Variants in RPS6KC1 observed in about 807,000 individuals in gnomAD.
RPS6KC1 encodes the protein inactive ribosomal protein S6 kinase delta-1.
A neutral mutation model predicts 103.8 loss-of-function variants in RPS6KC1; 54 were observed. The ratio of observed to expected loss-of-function variants is 0.52; its 90% confidence interval spans 0.42 to 0.65. The LOEUF is 0.65. Among genes scored for constraint, RPS6KC1 ranks in the 30% least tolerant of loss-of-function variants. The pLI is 0.00. For synonymous variants in RPS6KC1, 439 were observed against 438.7 expected, an observed-to-expected ratio of 1.00 and a Z score of -0.01; for missense variants, 1,151 against 1,253.8, an observed-to-expected ratio of 0.92 and a Z score of 1.24.
intron 6 of RPS6KC1, among the ~76,000 whole-genome samples, chr1:213,156,381 A>G (rs1232257164): frequency 6.6e-6 from 1 of 152,224 alleles, no homozygotes; most frequent in Non-Finnish European, 1.5e-5. Flanking sequence ...ATTTCTGTAT[A>G]TGGAACTGGG....
intron 3 of RPS6KC1, among the ~76,000 whole-genome samples, chr1:213,082,496 A>G (rs1040261093): frequency 1.3e-5 from 2 of 152,312 alleles, no homozygotes; most frequent in African/African-American, 2.4e-5. Context: ...TAAGACTGCA[A>G]GTGAGGTTTC....
chr1:213,254,002 T>C (rs879276138), intron 12 of RPS6KC1, among the ~76,000 whole-genome samples: 1 of 152,186 alleles, frequency 6.6e-6, no homozygotes, highest in Non-Finnish European at 1.5e-5. Context: ...TCTTTGGCAA[T>C]ATGGGCTACC....
chr1:213,521,763 C>T, the RPS6KC1 span, among the ~76,000 whole-genome samples: 2 of 152,174 alleles, frequency 1.3e-5, no homozygotes, highest in African/African-American at 4.8e-5. Flanking sequence ...AGAAGCAACT[C>T]CTCATTTATT....
the RPS6KC1 span, among the ~76,000 whole-genome samples, chr1:213,686,220 GC>G: frequency 6.6e-6 from 1 of 152,220 alleles, no homozygotes; most frequent in African/African-American, 2.4e-5. Flanking sequence ...CATTTCTATA[GC>G]CTTTTTGTAG....
At chr1:213,685,945 T>G in the RPS6KC1 span, among the ~76,000 whole-genome samples, 4 of 152,210 alleles carry the variant, frequency 2.6e-5, no homozygotes, top group African/African-American at 9.6e-5. Context: ...AGTGATTTTT[T>G]TTTGTGTGTG....
chr1:213,716,883 G>T, the RPS6KC1 span, among the ~76,000 whole-genome samples: 1 of 152,132 alleles, frequency 6.6e-6, no homozygotes, highest in Non-Finnish European at 1.5e-5. Context: ...GGGGAAGTTT[G>T]TTTATGTTTA....
chr1:213,120,003 T>C (rs1353907473), intron 5 of RPS6KC1, among the ~76,000 whole-genome samples: 2 of 152,186 alleles, frequency 1.3e-5, no homozygotes, highest in East Asian at 3.9e-4. Context: ...AGGGTGACCC[T>C]TCCTAAAGCA....
the RPS6KC1 span, chr1:213,818,316 CAGTT>C: frequency 1.3e-5 from 2 of 152,336 alleles, no homozygotes; most frequent in African/African-American, 2.4e-5. Flanking sequence ...TTGTGCCAAA[CAGTT>C]AGCCAAGTTA....
chr1:213,320,685 C>A, the RPS6KC1 span, among the ~76,000 whole-genome samples: 1 of 152,238 alleles, frequency 6.6e-6, no homozygotes, highest in Non-Finnish European at 1.5e-5. Context: ...CCGGGATCAT[C>A]AGACCAGTGA....
chr1:213,611,148 G>A, the RPS6KC1 span, among the ~76,000 whole-genome samples: 8 of 152,150 alleles, frequency 5.3e-5, no homozygotes, highest in Non-Finnish European at 8.8e-5. Context: ...GGGCCAGAGG[G>A]AATACTTCTT....
chr1:213,684,439 G>C, the RPS6KC1 span, among the ~76,000 whole-genome samples: 15 of 152,136 alleles, frequency 9.9e-5, no homozygotes, highest in Admixed American at 9.8e-4. Flanking sequence ...ACCAGTCACT[G>C]TGTCCCCATT....
At chr1:213,097,334 AGAGT>A (rs77496376) in intron 3 of RPS6KC1, among the ~76,000 whole-genome samples, 37,869 of 152,008 alleles carry the variant, frequency 0.25, 5,932 homozygotes, top group East Asian at 0.36. Flanking sequence ...AGCCTGGGAC[AGAGT>A]GAGACTGTCT....
chr1:213,536,034 A>C, the RPS6KC1 span, among the ~76,000 whole-genome samples: 1 of 151,792 alleles, frequency 6.6e-6, no homozygotes, highest in Non-Finnish European at 1.5e-5. Context: ...TGTTCCCTTC[A>C]CTTGTCAAAT....
chr1:213,165,777 A>T (rs2090910500), intron 6 of RPS6KC1, among the ~76,000 whole-genome samples: 1 of 152,038 alleles, frequency 6.6e-6, no homozygotes, highest in Admixed American at 6.6e-5. Context: ...GGCTGGTCTC[A>T]AACTCCTGAC....
chr1:213,498,592 C>A, the RPS6KC1 span, among the ~76,000 whole-genome samples: 4 of 150,770 alleles, frequency 2.7e-5, no homozygotes, highest in African/African-American at 9.8e-5. Flanking sequence ...GTAGCTGGGA[C>A]TACAGGCGCC....
chr1:213,563,440 T>C, the RPS6KC1 span, among the ~76,000 whole-genome samples: 1 of 152,196 alleles, frequency 6.6e-6, no homozygotes, highest in Non-Finnish European at 1.5e-5. Flanking sequence ...AGTTCATTTA[T>C]ATTTGTTACA....
the RPS6KC1 span, among the ~76,000 whole-genome samples, chr1:213,288,554 C>T: frequency 6.6e-6 from 1 of 152,186 alleles, no homozygotes; most frequent in Admixed American, 6.5e-5. Flanking sequence ...CTTGCTTCCA[C>T]TAGTTGATAC....
chr1:213,594,703 T>C, the RPS6KC1 span, among the ~76,000 whole-genome samples: 6 of 151,700 alleles, frequency 4.0e-5, no homozygotes, highest in Admixed American at 3.9e-4. Context: ...GTCCTCTACG[T>C]ATCTACACAT....
At chr1:213,724,212 C>G in the RPS6KC1 span, among the ~76,000 whole-genome samples, 3 of 152,182 alleles carry the variant, frequency 2.0e-5, no homozygotes, top group Non-Finnish European at 4.4e-5. Context: ...CTCAGCCTCT[C>G]AAGTAGCTGG....
Sources: gnomAD v4.1 joint callset for allele counts (sites outside exome capture counted in the v4.1 genomes callset) on GRCh38, gnomAD v4.1.1 for gene constraint, MANE v1.5 for transcripts, NCBI Gene and HGNC (gene_info 2026-07-23, HGNC 2026-07-21) for gene names.